The following PPM1E variants were observed in gnomAD, a reference collection of about 807,000 sequenced individuals.
The protein encoded by PPM1E is protein phosphatase 1E.
Under a neutral mutation model 65.9 loss-of-function variants are expected in PPM1E, and 20 were observed. The ratio of observed to expected loss-of-function variants is 0.30; its 90% CI spans 0.21 to 0.44. The LOEUF (loss-of-function observed/expected upper bound fraction) is 0.44. Among genes scored for constraint, PPM1E ranks in the 20% least tolerant of loss-of-function variants. The probability of loss-of-function intolerance (pLI) is 1.00; values close to 1 mark genes in which losing one functional copy is unlikely to be tolerated. For missense variants in PPM1E, 713 were observed against 953.1 expected (o/e 0.75, Z 3.32); for synonymous variants, 352 against 374.9 (o/e 0.94, Z 0.70).
chr17:58,821,457 G>GA (rs1288661725), intron 1 of PPM1E, among the ~76,000 whole-genome samples: 1 of 152,092 alleles, frequency 6.6e-6, no homozygotes, highest in Non-Finnish European at 1.5e-5. Flanking sequence ...GAGTTTACTA[G>GA]AAAAAGAAGA....
At chr17:58,792,699 A>T (rs1379157418) in intron 1 of PPM1E, among the ~76,000 whole-genome samples, 2 of 150,286 alleles carry the variant, frequency 1.3e-5, no homozygotes, top group Non-Finnish European at 2.9e-5. Flanking sequence ...ACATGGCTAT[A>T]AATACTTGGA....
intron 1 of PPM1E, among the ~76,000 whole-genome samples, chr17:58,814,773 C>G (rs2143109222): frequency 6.6e-6 from 1 of 152,306 alleles, no homozygotes; most frequent in Middle Eastern, 3.4e-3. Context: ...AGCACAAAAA[C>G]AGCCATAGGC....
intron 1 of PPM1E, among the ~76,000 whole-genome samples, chr17:58,801,769 T>C (rs1457785084): frequency 2.6e-5 from 4 of 151,016 alleles, no homozygotes; most frequent in African/African-American, 4.9e-5. Flanking sequence ...AATTTTTATT[T>C]TTTTTGAGAC....
At chr17:58,826,665 G>A (rs747409600) in intron 1 of PPM1E, among the ~76,000 whole-genome samples, 44 of 151,566 alleles carry the variant, frequency 2.9e-4, no homozygotes, top group Non-Finnish European at 5.7e-4. Context: ...TGGCTCTGTC[G>A]CCCAGGCTAG....
rs1555607463 is a variant in PPM1E at position 58,756,093 on chromosome 17, G to GGCGGAA, written c.96_97insGCGGAA (p.Glu32_Pro33insAlaGlu). 3.0e-6 allele frequency: 4 copies of GGCGGAA among 1,323,038 alleles called. No homozygotes were observed. The South Asian group carries it at 5.2e-5, about 17-fold the overall frequency. The allele number at this position is 1,323,038 out of a possible 1,614,324, so 82.0% of individuals were successfully genotyped here. On this transcript the variant is annotated inframe_insertion, in exon 1 of 7. Transcript: ENST00000308249. ...GACCGTGCGGCGGCGGCGAGCCGGA[G>GGCGGAA]CCGGAACCCGAACCCGAACCCGAAC...
chr17:58,839,469 C>A (rs985669610), intron 1 of PPM1E, among the ~76,000 whole-genome samples: 1 of 152,008 alleles, frequency 6.6e-6, no homozygotes, highest in Non-Finnish European at 1.5e-5. Context: ...AAAGTGCTAC[C>A]CTAACTTTGA....
chr17:58,825,545 T>C (rs573980119), intron 1 of PPM1E, among the ~76,000 whole-genome samples: 2 of 152,116 alleles, frequency 1.3e-5, no homozygotes, highest in Admixed American at 6.6e-5. Context: ...GTATTTTTTT[T>C]ATTCTCTGTT....
chr17:58,784,504 C>CT (rs34002789), intron 1 of PPM1E, among the ~76,000 whole-genome samples: 30,063 of 137,078 alleles, frequency 0.22, 3,943 homozygotes, highest in Middle Eastern at 0.37. Context: ...CCCCCCACCA[C>CT]TTTTTTTTTT....
rs36067765 is a variant in PPM1E at position 58,766,606 on chromosome 17, T to TACAC, written c.464+10169_464+10172dup. Among the ~76,000 whole-genome samples the TACAC allele has an allele frequency of 2.0e-3, 251 of 123,666 alleles. 5 individuals are homozygous for TACAC. The East Asian group carries it at 0.054, about 27-fold the overall frequency. 81.1% of individuals were successfully genotyped at this position (123,666 alleles called of 152,430 possible). ...GTATATTGTACTATATGTGTGTGTA[T>TACAC]ACACACACACACACACACACACACA... On this transcript the variant is annotated intron_variant, in intron 1 of 6. Coordinates refer to ENST00000308249, the MANE Select transcript of PPM1E (RefSeq NM_014906.5).
At chr17:58,808,561 AGGGAGGAAAGG>A (rs994787587) in intron 1 of PPM1E, among the ~76,000 whole-genome samples, 2 of 152,002 alleles carry the variant, frequency 1.3e-5, no homozygotes, top group African/African-American at 4.8e-5. Context: ...AGAGAGAGGG[AGGGAGGAAAGG>A]GGGAGTGGAA....
chr17:58,874,738 G>A (rs2051110129), intron 1 of PPM1E, among the ~76,000 whole-genome samples: 1 of 152,092 alleles, frequency 6.6e-6, no homozygotes. Flanking sequence ...TTTTAAAGAT[G>A]TAAGAAAGAA....
chr17:58,979,946 T>C (rs765314619), intron 6 of PPM1E, 28 bp from the exon 7 acceptor site: 9 of 1,560,026 alleles, frequency 5.8e-6, no homozygotes, highest in Admixed American at 1.8e-5. Context: ...CAAATGCTAA[T>C]GATGCCCCTA....
At chr17:58,795,061 T>C (rs914073739) in intron 1 of PPM1E, among the ~76,000 whole-genome samples, 1 of 151,952 alleles carries the variant, frequency 6.6e-6, no homozygotes, top group African/African-American at 2.4e-5. Context: ...GCTAATTTTC[T>C]TTGTATCTAC....
intron 1 of PPM1E, among the ~76,000 whole-genome samples, chr17:58,815,252 AT>A (rs2050404370): frequency 6.6e-6 from 1 of 152,252 alleles, no homozygotes; most frequent in Admixed American, 6.5e-5. Context: ...GCTGAATGCC[AT>A]TGTGTTAGCA....
intron 1 of PPM1E, among the ~76,000 whole-genome samples, chr17:58,791,520 A>G (rs773401327): frequency 2.3e-4 from 35 of 152,330 alleles, no homozygotes; most frequent in Non-Finnish European, 4.3e-4. Flanking sequence ...AGTGTCTCAG[A>G]GAAGTCCGTA....
In PPM1E at chr17:58,836,968, C is replaced by T. The variant is rs2050664679; in HGVS notation, c.464+80507C>T. Among the ~76,000 whole-genome samples, 6 of 143,386 alleles carry T rather than the reference C, an allele frequency of 4.2e-5. No homozygotes were observed. In the South Asian group the frequency reaches 1.4e-3, roughly 32 times the overall value. 94.1% of individuals were successfully genotyped at this position (143,386 alleles called of 152,430 possible). A position where few individuals can be genotyped will look rare whatever the true frequency, so the allele number is the denominator to read the frequency against. On this transcript the variant is annotated intron_variant, in intron 1 of 6. Coordinates refer to ENST00000308249, the MANE Select transcript of PPM1E (RefSeq NM_014906.5). ...CCGGGAGGCGGAGCTTGCAGTGAGC[C>T]GAGATCCCGCCACTGCACTCCAGCC... is the stretch of plus-strand genomic sequence containing the variant.
At chr17:58,866,119 G>A (rs1452635918) in intron 1 of PPM1E, among the ~76,000 whole-genome samples, 2 of 152,200 alleles carry the variant, frequency 1.3e-5, no homozygotes, top group Non-Finnish European at 2.9e-5. Flanking sequence ...ATGCCAGAAA[G>A]TTGTATTTTG....
intron 1 of PPM1E, among the ~76,000 whole-genome samples, chr17:58,901,576 G>A (rs1200020363): frequency 6.6e-6 from 1 of 152,122 alleles, no homozygotes; most frequent in Admixed American, 6.5e-5. Flanking sequence ...TACTCGGGGG[G>A]CTGAGACTGG....
chr17:58,867,785 T>C (rs1197236552), intron 1 of PPM1E, among the ~76,000 whole-genome samples: 1 of 152,206 alleles, frequency 6.6e-6, no homozygotes, highest in Non-Finnish European at 1.5e-5. Context: ...CTTCCCCCTT[T>C]TGAGAAGAGT....
Sources: allele counts gnomAD v4.1 joint callset (sites outside exome capture counted in the v4.1 genomes callset), GRCh38; gene constraint gnomAD v4.1.1; transcripts MANE v1.5; gene names NCBI Gene and HGNC (gene_info 2026-07-23, HGNC 2026-07-21).